SLCO1B3: variants seen among roughly 807,000 people sequenced by gnomAD.
SLCO1B3 encodes the protein solute carrier organic anion transporter family member 1B3.
In SLCO1B3, 72 loss-of-function variants were observed where a neutral mutation model predicts 71.8. The observed-to-expected ratio is 1.00, with a 90% CI of 0.83 to 1.22. SLCO1B3 has a LOEUF of 1.22. SLCO1B3 is among the 50% of genes most tolerant of loss of function. The pLI is 0.00. For synonymous variants in SLCO1B3, 298 were observed against 278.4 expected (o/e 1.07, Z -0.70); for missense variants, 911 against 819.7 (o/e 1.11, Z -1.36).
chr12:20,878,771 C>T (rs566220749), intron 10 of SLCO1B3, among the ~76,000 whole-genome samples: 1 of 152,082 alleles, frequency 6.6e-6, no homozygotes, highest in Non-Finnish European at 1.5e-5. Context: ...ATAACACTTA[C>T]GGGACTGTGA....
intron 12 of SLCO1B3, 37 bp from the exon 13 acceptor site, chr12:20,883,381 C>A (rs772067073): frequency 1.6e-6 from 2 of 1,254,956 alleles, no homozygotes; most frequent in Non-Finnish European, 2.2e-6. Context: ...TTGTATTTGG[C>A]AAATGTATTT....
chr12:20,864,050 T>C (rs1865324321), intron 8 of SLCO1B3, among the ~76,000 whole-genome samples: 1 of 152,182 alleles, frequency 6.6e-6, no homozygotes, highest in African/African-American at 2.4e-5. Context: ...TTGATGAATA[T>C]CTGTACCTTA....
intron 3 of SLCO1B3, among the ~76,000 whole-genome samples, chr12:20,847,611 AG>A (rs939236010): frequency 6.6e-6 from 1 of 152,102 alleles, no homozygotes; most frequent in Non-Finnish European, 1.5e-5. Flanking sequence ...CTAAAACCAA[AG>A]TTCAGTGGCA....
chr12:20,882,186 A>C (rs183172681), intron 12 of SLCO1B3, among the ~76,000 whole-genome samples: 11 of 152,276 alleles, frequency 7.2e-5, no homozygotes, highest in Admixed American at 5.9e-4. Flanking sequence ...TCATGGAGAC[A>C]TCATCTTAAT....
chr12:20,829,447 C>CT (rs749443381), intron 3 of SLCO1B3, among the ~76,000 whole-genome samples: 5 of 152,196 alleles, frequency 3.3e-5, no homozygotes, highest in Non-Finnish European at 7.3e-5. Flanking sequence ...AACTCCCCTT[C>CT]TTTGTTTGAA....
chr12:20,826,875 T>C (rs1456877065), intron 3 of SLCO1B3, among the ~76,000 whole-genome samples: 1 of 152,094 alleles, frequency 6.6e-6, no homozygotes, highest in African/African-American at 2.4e-5. Context: ...AAGAACATAT[T>C]TTTTAGAAAA....
intron 8 of SLCO1B3, among the ~76,000 whole-genome samples, chr12:20,867,139 A>G (rs755261547): frequency 7.2e-5 from 11 of 152,122 alleles, no homozygotes; most frequent in Non-Finnish European, 8.8e-5. Context: ...CCCAAACTCA[A>G]TGTCTCTAAT....
intron 3 of SLCO1B3, among the ~76,000 whole-genome samples, chr12:20,836,035 A>G (rs111606418): frequency 2.4e-4 from 36 of 152,330 alleles, no homozygotes; most frequent in African/African-American, 8.2e-4. Flanking sequence ...TACATCTTAC[A>G]TGGCAGCAGG....
At chr12:20,878,543 T>A (rs1865628699) in intron 10 of SLCO1B3, among the ~76,000 whole-genome samples, 1 of 152,150 alleles carries the variant, frequency 6.6e-6, no homozygotes, top group Non-Finnish European at 1.5e-5. Context: ...CTTGTAGAAA[T>A]TTGATAAGTA....
rs989945569 is a variant in SLCO1B3 at position 20,813,518 on chromosome 12, C to T, written c.-180-6C>T. 4 of 152,126 alleles carry T rather than the reference C, an allele frequency of 2.6e-5. No individual in the cohort carries two copies. Among genetic ancestry groups the T allele is most frequent in the Admixed American group, 1.3e-4 (2 of 15,268 alleles). The allele number at this position is 152,126 out of a possible 1,614,324, so 9.4% of individuals were successfully genotyped here. A position where few individuals can be genotyped will look rare whatever the true frequency, so the allele number is the denominator to read the frequency against. On this transcript the variant is annotated splice_polypyrimidine_tract_variant and splice_region_variant and intron_variant, in intron 1 of 15. Transcript: ENST00000381545. ...CAGTGCATTTATCGCCACATTGTTT[C>T]CATAGTTGTGCTTTGCGATGCTGAG...
intron 3 of SLCO1B3, among the ~76,000 whole-genome samples, chr12:20,818,166 C>G (rs1864226582): frequency 6.6e-6 from 1 of 152,106 alleles, no homozygotes; most frequent in Admixed American, 6.5e-5. Context: ...TACCTTGTAG[C>G]ATTCTGAGGA....
chr12:20,880,839 T>A lies in SLCO1B3; in HGVS notation c.1332-16T>A. 2 of 1,548,202 alleles carry A rather than the reference T, an allele frequency of 1.3e-6. No individual in the cohort carries two copies. The highest frequency in any genetic ancestry group is 1.8e-6 in the Non-Finnish European group (2 of 1,130,968). The stretch of plus-strand genomic sequence containing the variant: ...TCTTTCTCTTTTTTTGATATATTTC[T>A]ATCATATATTTTCAGAAATAATTCA... On this transcript the variant is annotated splice_polypyrimidine_tract_variant and intron_variant, in intron 11 of 15. Coordinates refer to ENST00000381545, the MANE Select transcript of SLCO1B3 (RefSeq NM_019844.4).
At chr12:20,819,700 T>C (rs572712706) in intron 3 of SLCO1B3, among the ~76,000 whole-genome samples, 126 of 152,280 alleles carry the variant, frequency 8.3e-4, no homozygotes, top group African/African-American at 3.0e-3. Context: ...GGCCATGCTG[T>C]AGCAGGCGAG....
At chr12:20,863,093 T>A (rs1456872011) in intron 8 of SLCO1B3, among the ~76,000 whole-genome samples, 2 of 152,204 alleles carry the variant, frequency 1.3e-5, no homozygotes, top group African/African-American at 4.8e-5. Context: ...GATTACTTGA[T>A]CCAAAATAAC....
chr12:20,828,540 C>T (rs1864474688), intron 3 of SLCO1B3, among the ~76,000 whole-genome samples: 1 of 151,898 alleles, frequency 6.6e-6, no homozygotes, highest in African/African-American at 2.4e-5. Context: ...ATGAATGAAA[C>T]AGTCAACTGA....
intron 3 of SLCO1B3, among the ~76,000 whole-genome samples, chr12:20,824,184 T>C (rs2078097424): frequency 6.6e-6 from 1 of 152,196 alleles, no homozygotes; most frequent in Admixed American, 6.5e-5. Context: ...AAGCTGTAAA[T>C]AGCTTAAAAG....
intron 15 of SLCO1B3, among the ~76,000 whole-genome samples, chr12:20,915,461 G>T (rs1189774949): frequency 6.6e-6 from 1 of 152,038 alleles, no homozygotes; most frequent in Non-Finnish European, 1.5e-5. Context: ...ACATATCTGG[G>T]TCTGGTTTTA....
intron 3 of SLCO1B3, among the ~76,000 whole-genome samples, chr12:20,851,133 G>A (rs1250576667): frequency 6.6e-6 from 1 of 152,108 alleles, no homozygotes; most frequent in Non-Finnish European, 1.5e-5. Context: ...ATGAACGTGG[G>A]TGTGTGAAAA....
At chr12:20,914,869 G>C (rs1459469000) in intron 15 of SLCO1B3, among the ~76,000 whole-genome samples, 1 of 152,054 alleles carries the variant, frequency 6.6e-6, no homozygotes, top group Non-Finnish European at 1.5e-5. Context: ...CTGAAGAGAA[G>C]GCTGATGTAA....
Sources: allele counts gnomAD v4.1 joint callset (sites outside exome capture counted in the v4.1 genomes callset), GRCh38; gene constraint gnomAD v4.1.1; transcripts MANE v1.5; gene names NCBI Gene and HGNC (gene_info 2026-07-23, HGNC 2026-07-21).